CDH11: variants seen among roughly 807,000 people sequenced by gnomAD.
The protein encoded by CDH11 is cadherin-11.
Under a neutral mutation model 67.8 loss-of-function variants are expected in CDH11, and 11 were observed. The observed-to-expected ratio is 0.16, with a 90% CI of 0.10 to 0.27. The LOEUF is 0.27. CDH11 is among the 10% of genes least tolerant of loss of function. CDH11 has a pLI of 1.00. For missense variants in CDH11, 847 were observed against 1,031.2 expected, an observed-to-expected ratio of 0.82 and a Z score of 2.45; for synonymous variants, 419 against 400.0, an observed-to-expected ratio of 1.05 and a Z score of -0.57.
At chr16:65,095,874 T>C (rs967562845) in intron 1 of CDH11, among the ~76,000 whole-genome samples, 1 of 152,208 alleles carries the variant, frequency 6.6e-6, no homozygotes, top group South Asian at 2.1e-4. Flanking sequence ...AATGCCCTTA[T>C]AAAAGTGAAT....
chr16:64,972,850 C>A, intron 9 of CDH11, 54 bp downstream of exon 9: 2 of 1,586,188 alleles, frequency 1.3e-6, no homozygotes, highest in Admixed American at 1.7e-5. Context: ...AATATAGAGT[C>A]TGAAGCGATA....
chr16:64,945,935 T>C lies in CDH11; in HGVS notation c.*1668A>G, dbSNP rs2071188317. 2.8e-6 allele frequency: 3 copies of C among 1,058,652 alleles called. No homozygotes were observed. The Admixed American group carries it at 1.6e-4, about 57-fold the overall frequency. 65.6% of individuals were successfully genotyped at this position (1,058,652 alleles called of 1,614,324 possible). On this transcript the variant is annotated 3_prime_UTR_variant, in exon 13 of 13. Transcript: ENST00000268603. Reference sequence around the variant, plus strand: ...AGGGAAAGCACTTGCAGTGTGACTTTATGTGGTCTTTCCCCAAGTATTGCT... The same window carrying C: ...AGGGAAAGCACTTGCAGTGTGACTTCATGTGGTCTTTCCCCAAGTATTGCT...
At chr16:64,967,689 CT>C (rs895183307) in intron 11 of CDH11, among the ~76,000 whole-genome samples, 32 of 145,858 alleles carry the variant, frequency 2.2e-4, no homozygotes, top group South Asian at 4.5e-4. Flanking sequence ...AGTTGCTTTT[CT>C]TTTTTTTTTA....
chr16:65,016,130 C>T (rs1173868205), intron 2 of CDH11, among the ~76,000 whole-genome samples: 1 of 152,232 alleles, frequency 6.6e-6, no homozygotes, highest in Non-Finnish European at 1.5e-5. Flanking sequence ...TTAGACTAAA[C>T]TCTGCCACAT....
chr16:64,976,411 A>C (rs1252648207), intron 8 of CDH11, among the ~76,000 whole-genome samples: 1 of 152,196 alleles, frequency 6.6e-6, no homozygotes. Flanking sequence ...ACAAAAAAAA[A>C]CAAAAACAAA....
chr16:65,081,459 C>G (rs767703646), intron 1 of CDH11, among the ~76,000 whole-genome samples: 1 of 151,856 alleles, frequency 6.6e-6, no homozygotes, highest in Non-Finnish European at 1.5e-5. Flanking sequence ...GTCCCAGCTA[C>G]GCGGGAGGCT....
At chr16:65,111,480 G>A (rs897471461) in intron 1 of CDH11, among the ~76,000 whole-genome samples, 3 of 152,070 alleles carry the variant, frequency 2.0e-5, no homozygotes, top group African/African-American at 4.8e-5. Flanking sequence ...GCGGCTTAAC[G>A]GCAGCACATA....
At chr16:65,010,408 G>A (rs2073152508) in intron 2 of CDH11, among the ~76,000 whole-genome samples, 1 of 152,134 alleles carries the variant, frequency 6.6e-6, no homozygotes, top group South Asian at 2.1e-4. Flanking sequence ...ATTATGCCAT[G>A]TCTGTGGAAA....
At position 64,945,682 on chromosome 16, in the gene CDH11, T is replaced by C. The variant is rs1343017712; in HGVS notation, c.*1921A>G. ...CTAAAGTGACATTGTCCACAAAATG[T>C]ATTCCATTGAAGTGTTCAGCCCAAT... On this transcript the variant is annotated 3_prime_UTR_variant, in exon 13 of 13. Coordinates refer to ENST00000268603, the MANE Select transcript of CDH11 (RefSeq NM_001797.4). The C allele has an allele frequency of 2.9e-6, 3 of 1,038,822 alleles. No homozygotes were observed. Among genetic ancestry groups the C allele is most frequent in the East Asian group, 5.9e-5 (1 of 16,966 alleles). 64.4% of individuals were successfully genotyped at this position (1,038,822 alleles called of 1,614,324 possible).
chr16:65,065,263 G>A (rs1430067053), intron 1 of CDH11, among the ~76,000 whole-genome samples: 1 of 152,138 alleles, frequency 6.6e-6, no homozygotes. Context: ...TCCCTGTGAC[G>A]CATGCCGTGC....
At position 64,982,150 on chromosome 16, in the gene CDH11, A is replaced by C; in HGVS notation, c.1151T>G (p.Leu384Trp). 1 of 1,614,098 alleles carries C rather than the reference A, an allele frequency of 6.2e-7. No homozygotes were observed. Among genetic ancestry groups the C allele is most frequent in the Middle Eastern group, 1.6e-4 (1 of 6,062 alleles). Residue 384 changes from leucine (L) to tryptophan (W), a missense_variant, in exon 8 of 13, where the codon TTG (leucine) becomes TGG (tryptophan). Coordinates refer to ENST00000268603, the MANE Select transcript of CDH11 (RefSeq NM_001797.4). ...GACTTCGTGGATGTAACTTGGGGCC[A>C]AGAACATAGGGGGCTCATCAGCATC... ...VEDADEPPMF[L>W]APSYIHEVQE... is the part of the protein sequence containing the mutation.
rs958880761 is a variant in CDH11, at chr16:64,944,702, T to A, written c.*2901A>T. 2.2e-5 allele frequency: 5 copies of A among 231,938 alleles called. No individual in the cohort carries two copies. The highest frequency in any genetic ancestry group is 3.4e-5 in the Non-Finnish European group (4 of 117,204). 14.4% of individuals were successfully genotyped at this position (231,938 alleles called of 1,614,324 possible). On this transcript the variant is annotated 3_prime_UTR_variant, in exon 13 of 13. Transcript: ENST00000268603. ...ATAAACTACTCTTTTATCTTCCCTGTCACCCCCAGAAACCCAGGCCTAAAA... is the reference window on the plus strand; with the variant it reads ...ATAAACTACTCTTTTATCTTCCCTGACACCCCCAGAAACCCAGGCCTAAAA...
At chr16:65,063,218 GCA>G (rs370286739) in intron 1 of CDH11, among the ~76,000 whole-genome samples, 1 of 151,790 alleles carries the variant, frequency 6.6e-6, no homozygotes, top group South Asian at 2.1e-4. Context: ...AAATGTGACT[GCA>G]CACACACACA....
intron 1 of CDH11, among the ~76,000 whole-genome samples, chr16:65,111,952 C>A (rs568173356): frequency 6.6e-6 from 1 of 151,664 alleles, no homozygotes; most frequent in East Asian, 2.0e-4. Flanking sequence ...CTCCTGTAAT[C>A]CCAGCTACTC....
chr16:65,048,534 T>C (rs2142701094), intron 2 of CDH11, among the ~76,000 whole-genome samples: 1 of 151,436 alleles, frequency 6.6e-6, no homozygotes, highest in Non-Finnish European at 1.5e-5. Context: ...AAATGTGGCG[T>C]GTGTGTGTGT....
chr16:65,122,356 G>T, upstream of CDH11: 1 of 276,870 alleles, frequency 3.6e-6, no homozygotes, highest in Non-Finnish European at 6.9e-6. Context: ...TCAGGGCTCA[G>T]ATGGAGTCTG....
upstream of CDH11, among the ~76,000 whole-genome samples, chr16:65,122,555 T>C (rs1040548651): frequency 2.6e-5 from 4 of 152,022 alleles, no homozygotes; most frequent in African/African-American, 4.8e-5. Flanking sequence ...AGGGAAGCAA[T>C]TGGGAATTCG....
At chr16:65,122,143 G>A (rs1357330965), upstream of CDH11, 3 of 510,658 alleles carry the variant, frequency 5.9e-6, no homozygotes, top group African/African-American at 2.1e-5. Flanking sequence ...GGGCGGGGGG[G>A]GCGGGAGGAG....
chr16:65,029,680 T>C (rs968440756), intron 2 of CDH11, among the ~76,000 whole-genome samples: 19 of 152,226 alleles, frequency 1.2e-4, no homozygotes, highest in Admixed American at 3.9e-4. Flanking sequence ...TGGGAGAACA[T>C]TGAACGTTGT....
Sources: gnomAD v4.1 joint callset for allele counts (sites outside exome capture counted in the v4.1 genomes callset) on GRCh38, gnomAD v4.1.1 for gene constraint, MANE v1.5 for transcripts, NCBI Gene and HGNC (gene_info 2026-07-23, HGNC 2026-07-21) for gene names.